ZNF727: variants seen among roughly 807,000 people sequenced by gnomAD.
The protein encoded by ZNF727 is zinc finger protein 727, also known as putative zinc finger protein 727.
ZNF727 carries 11 observed loss-of-function variants against 11.5 expected under a neutral mutation model. The observed-to-expected ratio is 0.95, with a 90% CI of 0.60 to 1.58. The LOEUF (loss-of-function observed/expected upper bound fraction) is 1.58. Among genes scored for constraint, ZNF727 ranks in the 40% most tolerant of loss-of-function variants. ZNF727 has a pLI of 0.00. For synonymous variants in ZNF727, 171 were observed against 196.1 expected (o/e 0.87, Z 1.07); for missense variants, 533 against 581.7 (o/e 0.92, Z 0.86).
chr7:64,077,241 AG>A, intron 3 of ZNF727, 34 bp from the exon 4 acceptor site: 3 of 1,464,978 alleles, frequency 2.0e-6, no homozygotes, highest in Non-Finnish European at 1.8e-6. Context: ...AAGTCTGATG[AG>A]GGAGAAATTT....
At position 64,080,847 on chromosome 7, in the gene ZNF727, C is replaced by G. The variant is rs891577709; in HGVS notation, c.*2298C>G. The stretch of plus-strand genomic sequence containing the variant: ...TGTGGTAAAAGGTGGATTCAGCCAA[C>G]AGGCTTTGTTCCTGGGAGTTTTTTG... On this transcript the variant is annotated 3_prime_UTR_variant, in exon 4 of 4. Coordinates refer to ENST00000456806, the MANE Select transcript of ZNF727 (RefSeq NM_001159522.3). Among the ~76,000 whole-genome samples, 1 of 151,398 alleles carries G rather than the reference C, an allele frequency of 6.6e-6. No homozygotes were observed. The highest frequency in any genetic ancestry group is 2.4e-5 in the African/African-American group (1 of 41,228).
chr7:64,047,589 T>C (rs1789528928), intron 1 of ZNF727, among the ~76,000 whole-genome samples: 1 of 152,182 alleles, frequency 6.6e-6, no homozygotes, highest in Admixed American at 6.5e-5. Flanking sequence ...CCATGTCTCT[T>C]GGAGTGTCTA....
At chr7:64,047,279 A>G (rs1049855010) in intron 1 of ZNF727, among the ~76,000 whole-genome samples, 3 of 152,214 alleles carry the variant, frequency 2.0e-5, no homozygotes, top group Non-Finnish European at 2.9e-5. Flanking sequence ...CACATTATCA[A>G]CTATTAGTCC....
At chr7:64,076,269 T>C (rs1463936984) in intron 3 of ZNF727, among the ~76,000 whole-genome samples, 2 of 152,170 alleles carry the variant, frequency 1.3e-5, no homozygotes, top group East Asian at 3.9e-4. Context: ...GTATATTTAC[T>C]TTTTTATTTT....
intron 3 of ZNF727, among the ~76,000 whole-genome samples, chr7:64,070,073 A>G (rs1789937293): frequency 6.6e-6 from 1 of 152,056 alleles, no homozygotes; most frequent in Non-Finnish European, 1.5e-5. Context: ...AACACCACAA[A>G]AAGATGTGTG....
chr7:64,081,281 A>G lies in ZNF727; in HGVS notation c.*2732A>G, dbSNP rs1490391729. ...CCTTCTCTGTGCCCCCCAAGAAGGA[A>G]TGATTGTTCAGAGTGTGGGAGGATA... On this transcript the variant is annotated 3_prime_UTR_variant, in exon 4 of 4. Coordinates refer to ENST00000456806, the MANE Select transcript of ZNF727 (RefSeq NM_001159522.3). 2.6e-5 allele frequency among the ~76,000 whole-genome samples: 4 copies of G among 151,972 alleles called. No individual in the cohort carries two copies. Among genetic ancestry groups the G allele is most frequent in the Admixed American group, 2.6e-4 (4 of 15,256 alleles).
chr7:64,068,537 G>T (rs530483834), intron 1 of ZNF727, among the ~76,000 whole-genome samples: 1 of 152,146 alleles, frequency 6.6e-6, no homozygotes, highest in Non-Finnish European at 1.5e-5. Flanking sequence ...TGCACAATAA[G>T]ATTTGAGAAG....
rs1401800245 is a variant in ZNF727 at position 64,081,453 on chromosome 7, C to T, written c.*2904C>T. Among the ~76,000 whole-genome samples, 1 of 152,068 alleles carries T rather than the reference C, an allele frequency of 6.6e-6. No individual in the cohort carries two copies. The highest frequency in any genetic ancestry group is 1.9e-4 in the East Asian group (1 of 5,170). On this transcript the variant is annotated 3_prime_UTR_variant, in exon 4 of 4. Transcript: ENST00000456806. ...TTCTGGTGGGGCAAGCAAAGCCAAA[C>T]TCACCTTTGCAGACATGTGCCAGCA... is the stretch of plus-strand genomic sequence containing the variant.
chr7:64,064,118 A>G lies in ZNF727; in HGVS notation c.4-4773A>G, dbSNP rs116895047. 1.4e-3 allele frequency among the ~76,000 whole-genome samples: 207 copies of G among 152,188 alleles called. 3 individuals carry two copies. The East Asian group carries it at 0.038, about 28-fold the overall frequency. Reference sequence around the variant, plus strand: ...CCTCAGGAGCTATCTTGTTACTGCTACCTCACTATGACTGAGCTGGTAATC... The same window carrying G: ...CCTCAGGAGCTATCTTGTTACTGCTGCCTCACTATGACTGAGCTGGTAATC... On this transcript the variant is annotated intron_variant, in intron 1 of 3. Coordinates refer to ENST00000456806, the MANE Select transcript of ZNF727 (RefSeq NM_001159522.3).
Position 64,045,572 on chromosome 7 carries a change from G to C in ZNF727, c.-50G>C, listed in dbSNP as rs927466682. 2.6e-6 allele frequency: 4 copies of C among 1,552,248 alleles called. No homozygotes were observed. In the African/African-American group the frequency reaches 5.5e-5, roughly 21 times the overall value. ...AGCCCCTGTTATCCTGTGACCTGCA[G>C]GTACTGGGAGATCCATAGGGAAGAA... is the stretch of plus-strand genomic sequence containing the variant. On this transcript the variant is annotated 5_prime_UTR_variant, in exon 1 of 4. Transcript: ENST00000456806.
At chr7:64,069,706 A>C in intron 3 of ZNF727, 97 bp downstream of exon 3, 1 of 968,110 alleles carries the variant, frequency 1.0e-6, no homozygotes, top group Non-Finnish European at 1.5e-6. Context: ...GCTCTGCTCC[A>C]GTGGAAATCG....
chr7:64,046,459 A>G lies in ZNF727; in HGVS notation c.3+835A>G, dbSNP rs577153306. ...TTTGGATTATGGGCGTGAATTTCTC[A>G]TGAATAGTTTAGCACCATTCCTCTT... On this transcript the variant is annotated intron_variant, in intron 1 of 3. Coordinates refer to ENST00000456806, the MANE Select transcript of ZNF727 (RefSeq NM_001159522.3). 1.4e-4 allele frequency among the ~76,000 whole-genome samples: 22 copies of G among 152,306 alleles called. No individual in the cohort carries two copies. In the South Asian group the frequency reaches 2.1e-3, roughly 14 times the overall value.
chr7:64,061,377 C>G (rs139065247), intron 1 of ZNF727, among the ~76,000 whole-genome samples: 74 of 151,896 alleles, frequency 4.9e-4, no homozygotes, highest in African/African-American at 1.4e-3. Context: ...TATAAACTTG[C>G]AATTGTTATA....
intron 1 of ZNF727, 149 bp downstream of exon 1, chr7:64,045,773 C>A: frequency 1.9e-6 from 2 of 1,052,278 alleles, no homozygotes; most frequent in South Asian, 1.6e-5. Flanking sequence ...TTCCCTCCGT[C>A]GCAGATTAGG....
chr7:64,056,606 A>G (rs926792171), intron 1 of ZNF727, among the ~76,000 whole-genome samples: 5 of 144,662 alleles, frequency 3.5e-5, no homozygotes, highest in African/African-American at 1.3e-4. Context: ...GAAAATTAAA[A>G]TATTTATCAG....
rs904300290 is a variant in ZNF727, at chr7:64,080,084, A to AT, written c.*1542dup. On this transcript the variant is annotated 3_prime_UTR_variant, in exon 4 of 4. Coordinates refer to ENST00000456806, the MANE Select transcript of ZNF727 (RefSeq NM_001159522.3). ...CTTTCTCTCTAGCTGCCTTTAACATATTTTTTTCTCTCATTTTGACCTTGG... is the reference window on the plus strand; with the variant it reads ...CTTTCTCTCTAGCTGCCTTTAACATATTTTTTTTCTCTCATTTTGACCTTGG... Among the ~76,000 whole-genome samples the AT allele has an allele frequency of 2.6e-5, 4 of 151,224 alleles. No individual in the cohort carries two copies. The highest frequency in any genetic ancestry group is 3.9e-4 in the East Asian group (2 of 5,126).
intron 1 of ZNF727, among the ~76,000 whole-genome samples, chr7:64,047,103 T>C (rs1022819347): frequency 6.6e-6 from 1 of 152,222 alleles, no homozygotes; most frequent in Non-Finnish European, 1.5e-5. Flanking sequence ...TTAGTTATTT[T>C]AATGCTCTAC....
At chr7:64,074,938 T>C (rs1790017744) in intron 3 of ZNF727, among the ~76,000 whole-genome samples, 1 of 152,084 alleles carries the variant, frequency 6.6e-6, no homozygotes, top group African/African-American at 2.4e-5. Context: ...ACTAGGGCTG[T>C]GTCCTATATA....
chr7:64,071,395 C>A (rs112082995), intron 3 of ZNF727, among the ~76,000 whole-genome samples: 2 of 152,140 alleles, frequency 1.3e-5, no homozygotes, highest in African/African-American at 4.8e-5. Flanking sequence ...ACCTGTTGCC[C>A]AACTATATGT....
Sources: gnomAD v4.1 joint callset for allele counts (sites outside exome capture counted in the v4.1 genomes callset) on GRCh38, gnomAD v4.1.1 for gene constraint, MANE v1.5 for transcripts, NCBI Gene and HGNC (gene_info 2026-07-23, HGNC 2026-07-21) for gene names.